APBA1: variants seen among roughly 807,000 people sequenced by gnomAD.
APBA1 encodes the protein amyloid beta precursor protein binding family A member 1.
APBA1 carries 55 observed loss-of-function variants against 86.6 expected under a neutral mutation model. The observed-to-expected ratio is 0.64, with a 90% CI of 0.51 to 0.80. The LOEUF (loss-of-function observed/expected upper bound fraction) is 0.80. Among genes scored for constraint, APBA1 ranks in the 30% least tolerant of loss-of-function variants. The pLI is 0.00. For missense variants in APBA1, 1,090 were observed against 1,183.0 expected (o/e 0.92, Z 1.15); for synonymous variants, 511 against 493.9 (o/e 1.03, Z -0.46).
chr9:69,642,453 C>T (rs1306142100), intron 1 of APBA1, among the ~76,000 whole-genome samples: 1 of 152,124 alleles, frequency 6.6e-6, no homozygotes, highest in Non-Finnish European at 1.5e-5. Flanking sequence ...CTGAAAATTC[C>T]AAGTGTTGAC....
At chr9:69,658,224 CTTTCTTTCTT>C (rs1823654952) in intron 1 of APBA1, among the ~76,000 whole-genome samples, 2 of 14,720 alleles carry the variant, frequency 1.4e-4, no homozygotes, top group African/African-American at 2.0e-4. Context: ...TCCTTTCTCT[CTTTCTTTCTT>C]TCTTTCTTTC....
At chr9:69,569,116 G>A (rs1050775978) in intron 1 of APBA1, among the ~76,000 whole-genome samples, 4 of 152,150 alleles carry the variant, frequency 2.6e-5, no homozygotes, top group African/African-American at 7.2e-5. Context: ...TAGGGTTTCC[G>A]TTTGACCTCC....
At chr9:69,582,163 C>T (rs1821924102) in intron 1 of APBA1, among the ~76,000 whole-genome samples, 1 of 152,296 alleles carries the variant, frequency 6.6e-6, no homozygotes, top group South Asian at 2.1e-4. Flanking sequence ...TCAATAGATA[C>T]ACCTATTCTA....
At chr9:69,469,872 T>A (rs1835339130) in intron 4 of APBA1, among the ~76,000 whole-genome samples, 1 of 152,244 alleles carries the variant, frequency 6.6e-6, no homozygotes, top group African/African-American at 2.4e-5. Flanking sequence ...TCATCTGGGA[T>A]ATGAACTTTT....
chr9:69,509,124 T>C (rs1261736361), intron 2 of APBA1, among the ~76,000 whole-genome samples: 2 of 151,710 alleles, frequency 1.3e-5, no homozygotes, highest in Non-Finnish European at 2.9e-5. Flanking sequence ...AATTAATGAA[T>C]CCAGGAGCTG....
chr9:69,486,299 T>C (rs566317581), intron 2 of APBA1, among the ~76,000 whole-genome samples: 1 of 152,216 alleles, frequency 6.6e-6, no homozygotes, highest in South Asian at 2.1e-4. Context: ...AAGACAGCAC[T>C]TCTCGTGGTA....
rs12337530 is a variant in APBA1, at chr9:69,477,269, G to T, written c.1201-1126C>A. ...GCGCAGGTCAGTGGGTGCGCGCACC[G>T]TGCGCCAGCCGAAGCAGGGCGAGGC... On this transcript the variant is annotated intron_variant, in intron 2 of 12. Transcript: ENST00000265381. 3.3e-5 allele frequency among the ~76,000 whole-genome samples: 5 copies of T among 151,384 alleles called. No homozygotes were observed. In the East Asian group the frequency reaches 1.0e-3, roughly 30 times the overall value.
At chr9:69,549,402 G>A (rs1588356536) in intron 1 of APBA1, among the ~76,000 whole-genome samples, 1 of 152,144 alleles carries the variant, frequency 6.6e-6, no homozygotes, top group East Asian at 1.9e-4. Context: ...ACAGCCAGCC[G>A]AGGCCTCTGC....
intron 1 of APBA1, among the ~76,000 whole-genome samples, chr9:69,623,638 G>A (rs994594984): frequency 6.6e-6 from 1 of 152,166 alleles, no homozygotes; most frequent in Non-Finnish European, 1.5e-5. Context: ...AAACCAGCTC[G>A]GGAGGGTGTG....
chr9:69,439,964 T>G (rs1224603493), intron 11 of APBA1, among the ~76,000 whole-genome samples: 1 of 152,180 alleles, frequency 6.6e-6, no homozygotes, highest in Non-Finnish European at 1.5e-5. Flanking sequence ...GGTTTTTGGT[T>G]TGGATGTCCT....
intron 1 of APBA1, among the ~76,000 whole-genome samples, chr9:69,613,360 T>C (rs1469995068): frequency 6.6e-6 from 1 of 152,190 alleles, no homozygotes; most frequent in Non-Finnish European, 1.5e-5. Flanking sequence ...ACATTTTTTT[T>C]CCTAAGCCAT....
intron 1 of APBA1, among the ~76,000 whole-genome samples, chr9:69,531,856 A>C (rs138129260): frequency 6.6e-6 from 1 of 152,278 alleles, no homozygotes; most frequent in African/African-American, 2.4e-5. Context: ...ACTGAGTCAG[A>C]CTTCAGACTG....
chr9:69,587,962 G>A (rs1481524709), intron 1 of APBA1, among the ~76,000 whole-genome samples: 1 of 146,756 alleles, frequency 6.8e-6, no homozygotes, highest in African/African-American at 2.5e-5. Context: ...GGAGGTGGAG[G>A]TTGCAGTGAA....
At chr9:69,598,580 G>A (rs1397607698) in intron 1 of APBA1, among the ~76,000 whole-genome samples, 1 of 152,154 alleles carries the variant, frequency 6.6e-6, no homozygotes, top group Admixed American at 6.5e-5. Flanking sequence ...GGAAGCAGAG[G>A]GAAGGTGGCT....
intron 1 of APBA1, among the ~76,000 whole-genome samples, chr9:69,577,304 A>G (rs183981658): frequency 1.2e-4 from 19 of 152,348 alleles, no homozygotes; most frequent in Admixed American, 1.2e-3. Context: ...TTGAGTCATC[A>G]TGAGTAGACA....
At chr9:69,450,603 C>T (rs1305134319) in intron 9 of APBA1, among the ~76,000 whole-genome samples, 1 of 152,190 alleles carries the variant, frequency 6.6e-6, no homozygotes, top group Non-Finnish European at 1.5e-5. Context: ...CTGTCCTTAG[C>T]TGAAAGGGAG....
At chr9:69,605,612 T>A (rs533309711) in intron 1 of APBA1, among the ~76,000 whole-genome samples, 2 of 152,352 alleles carry the variant, frequency 1.3e-5, no homozygotes, top group South Asian at 4.1e-4. Context: ...CTGTAAGGCA[T>A]CATTTATAAT....
chr9:69,457,120 T>C lies in APBA1; in HGVS notation c.1535A>G (p.Gln512Arg). 1 of 1,614,130 alleles carries C rather than the reference T, an allele frequency of 6.2e-7. No individual in the cohort carries two copies. The highest frequency in any genetic ancestry group is 8.5e-7 in the Non-Finnish European group (1 of 1,179,958). Residue 512 changes from glutamine to arginine, a missense_variant, in exon 7 of 13, where the codon CAG (glutamine) becomes CGG (arginine). By Grantham distance (43) the Gln-to-Arg change is conservative (BLOSUM62 1). Around this residue, in one of 6 missense-constraint regions of APBA1, gnomAD observed 76 missense variants for 122.2 expected, o/e 0.62. Transcript: ENST00000265381. ...GAAGAGATCCACTTCAGTCATTGGC[T>C]GAGATTCGCCTTCAGGAGCCTGAGA... ...SRKKAPEGES[Q>R]PMTEVDLFIS...
chr9:69,458,541 C>T (rs1366148723), intron 5 of APBA1, among the ~76,000 whole-genome samples: 1 of 152,100 alleles, frequency 6.6e-6, no homozygotes. Flanking sequence ...CTTCTACTTT[C>T]TTTGGGTTTA....
Sources: allele counts gnomAD v4.1 joint callset (sites outside exome capture counted in the v4.1 genomes callset), GRCh38; gene constraint gnomAD v4.1.1; regional missense constraint gnomAD v4.1.1; transcripts MANE v1.5; gene names NCBI Gene and HGNC (gene_info 2026-07-23, HGNC 2026-07-21).